CORO7: variants seen among roughly 807,000 people sequenced by gnomAD.
CORO7 encodes coronin-7.
In CORO7, 107 loss-of-function variants were observed where a neutral mutation model predicts 126.6. That is an observed-to-expected ratio of 0.85 (90% CI 0.72 to 0.99). CORO7 has a LOEUF of 0.99. Among genes scored for constraint, CORO7 ranks in the 50% least tolerant of loss-of-function variants. CORO7 has a pLI of 0.00. For synonymous variants in CORO7, 603 were observed against 536.8 expected, an observed-to-expected ratio of 1.12 and a Z score of -1.70; for missense variants, 1,314 against 1,255.8, an observed-to-expected ratio of 1.05 and a Z score of -0.70.
intron 6 of CORO7, among the ~76,000 whole-genome samples, chr16:4,402,257 T>C (rs1240808883): frequency 4.2e-5 from 6 of 141,908 alleles, no homozygotes; most frequent in East Asian, 2.2e-4. Context: ...GTTGTTGTTG[T>C]TGTTGTTGTT....
chr16:4,388,840 T>C (rs903710058), intron 7 of CORO7, among the ~76,000 whole-genome samples: 1 of 152,166 alleles, frequency 6.6e-6, no homozygotes, highest in Non-Finnish European at 1.5e-5. Flanking sequence ...TCCGCCCCAG[T>C]TGAGGGCAGC....
At chr16:4,398,883 G>A (rs746016681) in intron 6 of CORO7, among the ~76,000 whole-genome samples, 7 of 151,328 alleles carry the variant, frequency 4.6e-5, no homozygotes, top group East Asian at 3.9e-4. Context: ...CAGGAGAATC[G>A]CATGAACCCA....
At chr16:4,398,796 C>T (rs577876761) in intron 6 of CORO7, among the ~76,000 whole-genome samples, 8 of 151,936 alleles carry the variant, frequency 5.3e-5, no homozygotes, top group Admixed American at 3.3e-4. Context: ...AGTGAAACTC[C>T]GTCTCTACTA....
chr16:4,366,464 G>A (rs1205491493), intron 9 of CORO7, among the ~76,000 whole-genome samples: 2 of 152,084 alleles, frequency 1.3e-5, no homozygotes, highest in Non-Finnish European at 2.9e-5. Flanking sequence ...AGGGGAATGG[G>A]GACCTGGAAG....
At chr16:4,382,471 TC>T in intron 9 of CORO7, 1 of 1,605,662 alleles carries the variant, frequency 6.2e-7, no homozygotes. Flanking sequence ...CGCCACTTAC[TC>T]CGTCTGTGTC....
intron 14 of CORO7, 146 bp downstream of exon 14, chr16:4,364,130 G>A (rs2141194661): frequency 8.7e-7 from 1 of 1,154,328 alleles, no homozygotes; most frequent in Admixed American, 3.7e-5. Flanking sequence ...AGGTTGCAGT[G>A]AGCCGAGGTT....
Position 4,362,815 on chromosome 16 carries a change from G to A in CORO7, c.1276-77C>T. ...AGGAGGGGGTGCCAGCGGACTCCAGGGTCACCACTCTGGGCCCCCTGCGGA... is the reference window on the plus strand; with the variant it reads ...AGGAGGGGGTGCCAGCGGACTCCAGAGTCACCACTCTGGGCCCCCTGCGGA... On this transcript the variant is annotated intron_variant, in intron 14 of 27. Transcript: ENST00000251166. The surrounding 1 kb of genome is among the most constrained non-coding windows in gnomAD (Gnocchi z 5.3). 2.4e-6 allele frequency: 3 copies of A among 1,269,400 alleles called. No individual in the cohort carries two copies. Among genetic ancestry groups the A allele is most frequent in the Non-Finnish European group, 3.0e-6 (3 of 1,005,244 alleles). 78.6% of individuals were successfully genotyped at this position (1,269,400 alleles called of 1,614,324 possible). A position where few individuals can be genotyped will look rare whatever the true frequency, so the allele number is the denominator to read the frequency against.
At chr16:4,389,165 G>A (rs1306237930) in intron 7 of CORO7, among the ~76,000 whole-genome samples, 1 of 152,164 alleles carries the variant, frequency 6.6e-6, no homozygotes, top group African/African-American at 2.4e-5. Flanking sequence ...GCTGCCCCAG[G>A]CAAGAGGCAG....
In CORO7 at chr16:4,361,647, A is replaced by G. The variant is rs56780397; in HGVS notation, c.1579-178T>C. The G allele has an allele frequency of 6.8e-3, 5,691 of 836,986 alleles. 223 individuals carry two copies. The African/African-American group carries it at 0.082, about 12-fold the overall frequency. The allele number at this position is 836,986 out of a possible 1,614,324, so 51.8% of individuals were successfully genotyped here. On this transcript the variant is annotated intron_variant, in intron 16 of 27. Coordinates refer to ENST00000251166, the MANE Select transcript of CORO7 (RefSeq NM_024535.5). ...GCGCTCTGAGCCCCAAGTGCCAACC[A>G]CAAGGCCCCAGAGAGTGAGGGGGCA...
At position 4,361,079 on chromosome 16, in the gene CORO7, G is replaced by T. The variant is rs201451820; in HGVS notation, c.1781C>A (p.Thr594Lys). 7 of 1,613,368 alleles carry T rather than the reference G, an allele frequency of 4.3e-6. No homozygotes were observed. The highest frequency in any genetic ancestry group is 5.9e-6 in the Non-Finnish European group (7 of 1,180,006). ...GAAGCGCAGGGAGCAGATCTTCTCC[G>T]TGTGGCCTGGAGGAAGGCAGGGGTG... ...TTPETVLTGH[T>K]EKICSLRFHP... is the part of the protein sequence containing the mutation. The change falls in exon 19 of 28, where the codon ACG becomes AAG. Residue 594 changes from threonine (T) to lysine (K), a missense_variant. Physicochemically the swap from Thr to Lys is moderately conservative, Grantham distance 78 (BLOSUM62 -1). Coordinates refer to ENST00000251166, the MANE Select transcript of CORO7 (RefSeq NM_024535.5).
chr16:4,357,728 C>G lies in CORO7; in HGVS notation c.2593+240G>C, dbSNP rs1487883629. On this transcript the variant is annotated intron_variant, in intron 25 of 27. Coordinates refer to ENST00000251166, the MANE Select transcript of CORO7 (RefSeq NM_024535.5). ...TCAATGGAGCCTCACTGTATAAGCC[C>G]TGCCCTAGACACCACAGTGTGTGCG... The G allele has an allele frequency of 4.8e-6, 3 of 629,130 alleles. No individual in the cohort carries two copies. In the Middle Eastern group the frequency reaches 1.4e-3, roughly 284 times the overall value. The allele number at this position is 629,130 out of a possible 1,614,324, so 39.0% of individuals were successfully genotyped here.
rs1400650947 is a variant in CORO7 at position 4,355,064 on chromosome 16, G to A, written c.*94C>T. Reference sequence around the variant, plus strand: ...AGGAGTGCAGGGGTGACATGTGCCGGGGCCAGAGAGGTATCTTCCAGCTTG... The same window carrying A: ...AGGAGTGCAGGGGTGACATGTGCCGAGGCCAGAGAGGTATCTTCCAGCTTG... On this transcript the variant is annotated 3_prime_UTR_variant, in exon 28 of 28. Transcript: ENST00000251166. 9 of 1,365,036 alleles carry A rather than the reference G, an allele frequency of 6.6e-6. No individual in the cohort carries two copies. The highest frequency in any genetic ancestry group is 8.7e-6 in the Non-Finnish European group (9 of 1,030,502). 84.6% of individuals were successfully genotyped at this position (1,365,036 alleles called of 1,614,324 possible).
intron 6 of CORO7, among the ~76,000 whole-genome samples, chr16:4,403,647 AAGG>A (rs1169948964): frequency 1.3e-5 from 2 of 152,066 alleles, no homozygotes; most frequent in Admixed American, 6.5e-5. Context: ...ACCAGTAAGC[AAGG>A]AGAAGAGTGG....
rs151072609 is a variant in CORO7 at position 4,358,460 on chromosome 16, C to T, written c.2364G>A (p.Thr788=). Residue 788 remains threonine (T), a synonymous_variant, in exon 24 of 28, where the codon ACG becomes ACA. Transcript: ENST00000251166. ...GCTCCACTTCCCGCACGTCGCACTC[C>T]GTCTTAGGCAGGAGGACGAGGCCCT... ...PHKGLVLLPK[T]ECDVREVELM... 8.7e-6 allele frequency: 14 copies of T among 1,604,616 alleles called. No homozygotes were observed. Among genetic ancestry groups the T allele is most frequent in the Admixed American group, 5.1e-5 (3 of 59,296 alleles).
At chr16:4,398,382 G>C (rs2055676412) in intron 6 of CORO7, among the ~76,000 whole-genome samples, 2 of 152,318 alleles carry the variant, frequency 1.3e-5, no homozygotes, top group East Asian at 3.9e-4. Context: ...GCAAGTATCA[G>C]GCCGGGCGCG....
chr16:4,370,534 G>A (rs2054487768), intron 9 of CORO7, among the ~76,000 whole-genome samples: 1 of 152,236 alleles, frequency 6.6e-6, no homozygotes, highest in African/African-American at 2.4e-5. Context: ...TGCACCCAAA[G>A]GCCAGCCCCA....
At chr16:4,416,241 C>T (rs535869808) in intron 1 of CORO7, among the ~76,000 whole-genome samples, 1 of 152,240 alleles carries the variant, frequency 6.6e-6, no homozygotes, top group Admixed American at 6.5e-5. Context: ...CCAGGGTCAC[C>T]GAGCGCCAGA....
At chr16:4,381,627 C>G in intron 9 of CORO7, 1 of 1,598,772 alleles carries the variant, frequency 6.3e-7, no homozygotes, top group Non-Finnish European at 8.5e-7. Flanking sequence ...CCGGCAACAC[C>G]CGCATTGCCC....
At chr16:4,368,671 C>T (rs1040566374) in intron 9 of CORO7, among the ~76,000 whole-genome samples, 26 of 150,908 alleles carry the variant, frequency 1.7e-4, no homozygotes, top group African/African-American at 6.1e-4. Context: ...TCACTTGAAC[C>T]CGGGAGGCGG....
Sources: gnomAD v4.1 joint callset for allele counts (sites outside exome capture counted in the v4.1 genomes callset) on GRCh38, gnomAD v4.1.1 for gene constraint, Gnocchi (gnomAD v3.1) non-coding constraint, MANE v1.5 for transcripts, NCBI Gene and HGNC (gene_info 2026-07-23, HGNC 2026-07-21) for gene names.